The following SAMSN1 variants were observed in gnomAD, a reference collection of about 807,000 sequenced individuals.
The protein encoded by SAMSN1 is SAM domain, SH3 domain and nuclear localization signals 1.
In SAMSN1, 31 loss-of-function variants were observed where a neutral mutation model predicts 42.0. The ratio of observed to expected loss-of-function variants is 0.74; its 90% CI spans 0.55 to 1.00. The LOEUF is 1.00. SAMSN1 is among the 50% of genes least tolerant of loss of function. The probability of loss-of-function intolerance (pLI) is 0.00; values close to 1 mark genes in which losing one functional copy is unlikely to be tolerated. For synonymous variants in SAMSN1, 178 were observed against 151.9 expected (o/e 1.17, Z -1.26); for missense variants, 464 against 439.4 (o/e 1.06, Z -0.50).
At chr21:14,614,525 A>AT (rs1426804112) in intron 3 of SAMSN1, among the ~76,000 whole-genome samples, 1 of 151,732 alleles carries the variant, frequency 6.6e-6, no homozygotes, top group Non-Finnish European at 1.5e-5. Context: ...AGTGTTTCCC[A>AT]CATTCATATT....
Position 14,488,122 on chromosome 21 carries a change from T to C in SAMSN1, c.920-2008A>G, listed in dbSNP as rs1490885797. Among the ~76,000 whole-genome samples, 15 of 152,172 alleles carry C rather than the reference T, an allele frequency of 9.9e-5. 1 individual carries two copies. ...TGAAATGAGCCAGCTCTGTGTTCCATTATCCAAGTGTTTCTAGAAAAGGCC... is the reference window on the plus strand; with the variant it reads ...TGAAATGAGCCAGCTCTGTGTTCCACTATCCAAGTGTTTCTAGAAAAGGCC... On this transcript the variant is annotated intron_variant, in intron 7 of 7. Coordinates refer to ENST00000400566, the MANE Select transcript of SAMSN1 (RefSeq NM_022136.5).
intron 1 of SAMSN1, among the ~76,000 whole-genome samples, chr21:14,646,783 T>G (rs549376509): frequency 6.6e-6 from 1 of 152,300 alleles, no homozygotes; most frequent in African/African-American, 2.4e-5. Context: ...ACAAAGTTAA[T>G]GTATAGAGTT....
upstream of SAMSN1, among the ~76,000 whole-genome samples, chr21:14,546,802 C>T (rs180755142): frequency 2.6e-5 from 4 of 152,130 alleles, no homozygotes; most frequent in African/African-American, 7.2e-5. Context: ...CTCCACCTCC[C>T]GGGTTCAAGC....
At chr21:14,507,683 G>A (rs888727429) in intron 5 of SAMSN1, among the ~76,000 whole-genome samples, 2 of 152,100 alleles carry the variant, frequency 1.3e-5, no homozygotes, top group African/African-American at 2.4e-5. Flanking sequence ...GTTCTTCACA[G>A]AATTAGAAAA....
chr21:14,549,836 T>C (rs1980541211), upstream of SAMSN1, among the ~76,000 whole-genome samples: 1 of 152,090 alleles, frequency 6.6e-6, no homozygotes, highest in Non-Finnish European at 1.5e-5. Context: ...CTTTCTATAG[T>C]ACAGGGAAGA....
At chr21:14,636,354 AC>A (rs1983466954) in intron 2 of SAMSN1, among the ~76,000 whole-genome samples, 1 of 151,252 alleles carries the variant, frequency 6.6e-6, no homozygotes, top group Non-Finnish European at 1.5e-5. Flanking sequence ...AATCTCTCTC[AC>A]TCTTGTGTAC....
At chr21:14,549,522 C>G (rs1234147053), upstream of SAMSN1, among the ~76,000 whole-genome samples, 1 of 151,986 alleles carries the variant, frequency 6.6e-6, no homozygotes, top group South Asian at 2.1e-4. Context: ...CAACCATGAC[C>G]AAGGGATATT....
rs141547945 is a variant in SAMSN1 at position 14,546,046 on chromosome 21, CTT to C, written c.57+157_57+158del. Among the ~76,000 whole-genome samples, 1,290 of 152,306 alleles carry C rather than the reference CTT, an allele frequency of 8.5e-3. 7 individuals carry two copies. The highest frequency in any genetic ancestry group is 0.025 in the South Asian group (119 of 4,826). On this transcript the variant is annotated intron_variant, in intron 1 of 7. Transcript: ENST00000400566. The stretch of plus-strand genomic sequence containing the variant: ...TTGCTAGGTGTGATTTAAAATCTAA[CTT>C]TGCAATTTAATTTTTCCGTATTTGC...
intron 2 of SAMSN1, among the ~76,000 whole-genome samples, chr21:14,619,973 G>A (rs1982957787): frequency 1.3e-5 from 2 of 149,238 alleles, no homozygotes; most frequent in South Asian, 4.2e-4. Flanking sequence ...AGGAGAAGGG[G>A]AGAGTAATTC....
rs1469786168 is a variant in SAMSN1 at position 14,486,024 on chromosome 21, T to G, written c.1010A>C (p.Asp337Ala). ...NKSQLDDCPR[D>A]SGCYISSGNS... ...TCCTGATGAGATATAGCAACCAGAGTCCCTTGGGCAGTCATCTAACTGTGA... is the reference window on the plus strand; with the variant it reads ...TCCTGATGAGATATAGCAACCAGAGGCCCTTGGGCAGTCATCTAACTGTGA... The change falls in exon 8 of 8, where the codon GAC becomes GCC. Residue 337 changes from aspartate to alanine, a missense_variant. By Grantham distance (126) the Asp-to-Ala change is moderately radical. Transcript: ENST00000400566. The G allele has an allele frequency of 1.9e-6, 3 of 1,613,438 alleles. No homozygotes were observed. Among genetic ancestry groups the G allele is most frequent in the Non-Finnish European group, 2.5e-6 (3 of 1,179,618 alleles).
chr21:14,538,811 T>G (rs1486837238), intron 1 of SAMSN1, among the ~76,000 whole-genome samples: 1 of 152,158 alleles, frequency 6.6e-6, no homozygotes, highest in Non-Finnish European at 1.5e-5. Context: ...TCTGTGACAC[T>G]AATGGTGTCT....
intron 7 of SAMSN1, among the ~76,000 whole-genome samples, chr21:14,491,705 C>G (rs1206100743): frequency 6.6e-6 from 1 of 152,128 alleles, no homozygotes; most frequent in African/African-American, 2.4e-5. Flanking sequence ...CCCATGAAGC[C>G]TCCCTTGTCA....
chr21:14,587,908 C>T (rs1223709157), upstream of SAMSN1, among the ~76,000 whole-genome samples: 2 of 113,664 alleles, frequency 1.8e-5, no homozygotes, highest in Admixed American at 1.0e-4. Flanking sequence ...CCCCCCACCC[C>T]GCAACAGTCC....
intron 3 of SAMSN1, among the ~76,000 whole-genome samples, chr21:14,614,834 T>A (rs1021486949): frequency 1.3e-5 from 2 of 151,758 alleles, no homozygotes; most frequent in African/African-American, 4.9e-5. Flanking sequence ...AAAAAGAAAT[T>A]AAGGAACTCA....
chr21:14,540,449 A>T (rs1263016159), intron 1 of SAMSN1, among the ~76,000 whole-genome samples: 1 of 152,252 alleles, frequency 6.6e-6, no homozygotes, highest in Admixed American at 6.5e-5. Flanking sequence ...TATACAAGAA[A>T]AAAACAAACA....
chr21:14,609,619 A>G (rs891766415), intron 4 of SAMSN1: 5 of 716,518 alleles, frequency 7.0e-6, no homozygotes, highest in Non-Finnish European at 1.3e-5. Context: ...ACATTTGTCC[A>G]GTAAGTATAA....
intron 5 of SAMSN1, among the ~76,000 whole-genome samples, chr21:14,608,162 A>G (rs1219152251): frequency 6.6e-6 from 1 of 152,238 alleles, no homozygotes; most frequent in African/African-American, 2.4e-5. Flanking sequence ...GAGGTGAGTG[A>G]TCACAATACC....
rs567111109 is a variant in SAMSN1 at position 14,531,065 on chromosome 21, T to G, written c.58-9844A>C. Among the ~76,000 whole-genome samples, 36 of 152,086 alleles carry G rather than the reference T, an allele frequency of 2.4e-4. 1 individual carries two copies. Among genetic ancestry groups the G allele is most frequent in the Non-Finnish European group, 5.3e-4 (36 of 67,998 alleles). On this transcript the variant is annotated intron_variant, in intron 1 of 7. Transcript: ENST00000400566. ...CTATAACTAAACAAAAACAAATAAT[T>G]CTACAAATAAATAATTCTGCCTAAA...
chr21:14,515,852 C>A (rs1987889322), intron 3 of SAMSN1, among the ~76,000 whole-genome samples: 1 of 152,124 alleles, frequency 6.6e-6, no homozygotes. Flanking sequence ...AAACACTTCT[C>A]CACAAAGATA....
Sources: gnomAD v4.1 joint callset for allele counts (sites outside exome capture counted in the v4.1 genomes callset) on GRCh38, gnomAD v4.1.1 for gene constraint, MANE v1.5 for transcripts, NCBI Gene and HGNC (gene_info 2026-07-23, HGNC 2026-07-21) for gene names.